Variants in ANK3 observed in about 807,000 individuals in gnomAD.
ANK3 encodes the protein ankyrin-3.
ANK3 carries 57 observed loss-of-function variants against 370.9 expected under a neutral mutation model. The ratio of observed to expected loss-of-function variants is 0.15; its 90% CI spans 0.12 to 0.19. The LOEUF is 0.19. Among genes scored for constraint, ANK3 ranks in the 10% least tolerant of loss-of-function variants. ANK3 has a pLI of 1.00. For missense variants in ANK3, 4,439 were observed against 5,302.1 expected, an observed-to-expected ratio of 0.84 and a Z score of 5.06; for synonymous variants, 1,929 against 1,946.3, an observed-to-expected ratio of 0.99 and a Z score of 0.23.
At chr10:60,611,587 T>C (rs907600252) in intron 2 of ANK3, among the ~76,000 whole-genome samples, 1 of 152,114 alleles carries the variant, frequency 6.6e-6, no homozygotes, top group African/African-American at 2.4e-5. Context: ...CTTAGAATTG[T>C]GTCATTGGGA....
intron 2 of ANK3, among the ~76,000 whole-genome samples, chr10:60,573,635 C>G (rs2077645242): frequency 6.6e-6 from 1 of 152,190 alleles, no homozygotes; most frequent in African/African-American, 2.4e-5. Context: ...CCTCACCATG[C>G]CTTCCATCCA....
chr10:60,695,979 G>C (rs2079442852), intron 1 of ANK3, among the ~76,000 whole-genome samples: 1 of 150,266 alleles, frequency 6.7e-6, no homozygotes, highest in Non-Finnish European at 1.5e-5. Flanking sequence ...TTTTTGAAAG[G>C]ATCAACAAAA....
chr10:60,199,947 G>C (rs181668403), intron 13 of ANK3, among the ~76,000 whole-genome samples, 182 bp downstream of exon 13: 28 of 152,312 alleles, frequency 1.8e-4, no homozygotes, highest in Non-Finnish European at 3.2e-4. Context: ...TTAAATAATA[G>C]AATGAACAAA....
intron 1 of ANK3, chr10:60,300,419 C>G (rs2043437563): frequency 2.3e-6 from 3 of 1,288,918 alleles, no homozygotes; most frequent in Non-Finnish European, 3.0e-6. Context: ...AGCATCACAT[C>G]TAAAAATATC....
chr10:60,194,851 C>G (rs572797667), intron 16 of ANK3, among the ~76,000 whole-genome samples: 6 of 152,066 alleles, frequency 3.9e-5, no homozygotes, highest in Admixed American at 6.6e-5. Context: ...TTAGATTTCA[C>G]TGGGTATAAT....
At chr10:60,325,546 T>G (rs1184287354) in intron 1 of ANK3, among the ~76,000 whole-genome samples, 1 of 152,208 alleles carries the variant, frequency 6.6e-6, no homozygotes, top group Admixed American at 6.5e-5. Flanking sequence ...TGCTCCCCAT[T>G]CCTGACACCT....
At position 60,052,088 on chromosome 10, in the gene ANK3, C is replaced by T. The variant is rs552616412; in HGVS notation, c.13065+3570G>A. 5.7e-4 allele frequency among the ~76,000 whole-genome samples: 87 copies of T among 152,220 alleles called. No individual in the cohort carries two copies. In the South Asian group the frequency reaches 9.1e-3, roughly 16 times the overall value. ...AAAAAGTAAAGAATCTAGCTGGGCA[C>T]GGTGGCTCACACCTGTAATCCCAGC... On this transcript the variant is annotated intron_variant, in intron 42 of 43. Coordinates refer to ENST00000280772, the MANE Select transcript of ANK3 (RefSeq NM_020987.5).
chr10:60,516,689 C>T (rs917258844), intron 2 of ANK3, among the ~76,000 whole-genome samples: 2 of 152,052 alleles, frequency 1.3e-5, no homozygotes, highest in Non-Finnish European at 2.9e-5. Context: ...ATCACTTGAG[C>T]CCAGGAATTC....
intron 1 of ANK3, among the ~76,000 whole-genome samples, chr10:60,642,109 A>G (rs939674499): frequency 7.4e-5 from 11 of 148,208 alleles, no homozygotes; most frequent in Admixed American, 6.1e-4. Context: ...TTAGAATGGC[A>G]ATCATTAAAA....
intron 1 of ANK3, among the ~76,000 whole-genome samples, chr10:60,678,289 T>C (rs2133388113): frequency 6.6e-6 from 1 of 152,262 alleles, no homozygotes; most frequent in African/African-American, 2.4e-5. Flanking sequence ...TAGGTTATCG[T>C]ATGCTGACTG....
chr10:60,163,158 C>T (rs1182553078), intron 23 of ANK3, among the ~76,000 whole-genome samples: 1 of 152,092 alleles, frequency 6.6e-6, no homozygotes, highest in Admixed American at 6.6e-5. Context: ...CACACTCTTT[C>T]ATATTTTCAA....
At chr10:60,588,356 T>C (rs1814752006) in intron 2 of ANK3, among the ~76,000 whole-genome samples, 1 of 151,634 alleles carries the variant, frequency 6.6e-6, no homozygotes, top group South Asian at 2.1e-4. Flanking sequence ...GGCTAATTTT[T>C]GTATTTTTAG....
At position 60,263,816 on chromosome 10, in the gene ANK3, C is replaced by T. The variant is rs775590262; in HGVS notation, c.699+19G>A. 1.9e-5 allele frequency: 31 copies of T among 1,612,774 alleles called. No homozygotes were observed. The highest frequency in any genetic ancestry group is 4.5e-5 in the East Asian group (2 of 44,882). On this transcript the variant is annotated intron_variant, in intron 6 of 43. Transcript: ENST00000280772. ...ACACCGGAGAGTTGCATGACAGGCC[C>T]GTGTCCCTCGTGCCTCACCTTTGAT...
chr10:60,257,104 G>C lies in ANK3; in HGVS notation c.798+4755C>G, dbSNP rs1396825322. On this transcript the variant is annotated intron_variant, in intron 7 of 43. Coordinates refer to ENST00000280772, the MANE Select transcript of ANK3 (RefSeq NM_020987.5). ...ACCAACAGTATATAAGTGCAGAAGAGAAGTCTAATCCTTTTATTTTTCCAC... is the reference window on the plus strand; with the variant it reads ...ACCAACAGTATATAAGTGCAGAAGACAAGTCTAATCCTTTTATTTTTCCAC... 2.6e-5 allele frequency among the ~76,000 whole-genome samples: 4 copies of C among 152,320 alleles called. No homozygotes were observed. In the East Asian group the frequency reaches 5.8e-4, roughly 22 times the overall value.
intron 2 of ANK3, among the ~76,000 whole-genome samples, chr10:60,551,807 A>G (rs921598621): frequency 1.3e-5 from 2 of 152,280 alleles, no homozygotes; most frequent in Middle Eastern, 3.4e-3. Flanking sequence ...TGGTTAAGGT[A>G]TTCTTAATAC....
At chr10:60,254,231 T>C (rs1280620028) in intron 7 of ANK3, among the ~76,000 whole-genome samples, 1 of 134,680 alleles carries the variant, frequency 7.4e-6, no homozygotes, top group African/African-American at 2.6e-5. Flanking sequence ...TCTTTTTTAT[T>C]GTTTTTTTTT....
intron 2 of ANK3, among the ~76,000 whole-genome samples, chr10:60,602,432 C>T (rs10159808): frequency 0.71 from 108,536 of 152,050 alleles, 38,818 homozygotes; most frequent in South Asian, 0.88. Flanking sequence ...CACTTGTCTC[C>T]GCTAATATGC....
At chr10:60,250,925 T>C (rs923377963) in intron 7 of ANK3, among the ~76,000 whole-genome samples, 4 of 152,322 alleles carry the variant, frequency 2.6e-5, no homozygotes, top group Middle Eastern at 3.4e-3. Context: ...TGTGATGATA[T>C]TGGATTACGT....
intron 43 of ANK3, among the ~76,000 whole-genome samples, chr10:60,041,135 GTC>G (rs1381463491): frequency 6.6e-6 from 1 of 152,148 alleles, no homozygotes; most frequent in African/African-American, 2.4e-5. Flanking sequence ...TTCTGCAATA[GTC>G]TCTCAACAGG....
Sources: gnomAD v4.1 joint callset for allele counts (sites outside exome capture counted in the v4.1 genomes callset) on GRCh38, gnomAD v4.1.1 for gene constraint, MANE v1.5 for transcripts, NCBI Gene and HGNC (gene_info 2026-07-23, HGNC 2026-07-21) for gene names.